The following TP63 variants were observed in gnomAD, a reference collection of about 807,000 sequenced individuals.
TP63 encodes tumor protein p63.
In TP63, 17 loss-of-function variants were observed where a neutral mutation model predicts 82.8. The observed-to-expected ratio is 0.21, with a 90% CI of 0.14 to 0.31. The LOEUF is 0.31. TP63 is among the 10% of genes least tolerant of loss of function. TP63 has a pLI of 1.00. For synonymous variants in TP63, 330 were observed against 321.7 expected (o/e 1.03, Z -0.28); for missense variants, 648 against 895.3 (o/e 0.72, Z 3.52).
intron 4 of TP63, among the ~76,000 whole-genome samples, chr3:189,820,408 T>A (rs73199730): frequency 6.6e-6 from 1 of 152,178 alleles, no homozygotes; most frequent in Non-Finnish European, 1.5e-5. Flanking sequence ...ATGTTTCTCC[T>A]TGCACAAGCA....
chr3:189,833,453 G>A (rs1212588462), intron 4 of TP63, among the ~76,000 whole-genome samples: 3 of 152,158 alleles, frequency 2.0e-5, no homozygotes, highest in Non-Finnish European at 2.9e-5. Context: ...AATGCAAAAC[G>A]CTTTGCAAAC....
chr3:189,734,009 A>T (rs1250167861), intron 1 of TP63, among the ~76,000 whole-genome samples: 2 of 151,736 alleles, frequency 1.3e-5, no homozygotes, highest in African/African-American at 4.8e-5. Context: ...CCTCATAGAG[A>T]CATAGTTTTC....
intron 10 of TP63, among the ~76,000 whole-genome samples, chr3:189,879,125 C>T (rs1719620031): frequency 6.6e-6 from 1 of 152,174 alleles, no homozygotes; most frequent in Admixed American, 6.5e-5. Context: ...TACATTGCTT[C>T]CCCATCCATT....
At chr3:189,804,561 G>C (rs9968085) in intron 3 of TP63, among the ~76,000 whole-genome samples, 3,300 of 152,222 alleles carry the variant, frequency 0.022, 43 homozygotes, top group Middle Eastern at 0.065. Context: ...CCAGCCCTTG[G>C]CTTCCAATTG....
chr3:189,649,559 A>G (rs1356747582), intron 1 of TP63, among the ~76,000 whole-genome samples: 2 of 146,940 alleles, frequency 1.4e-5, no homozygotes, highest in South Asian at 2.2e-4. Flanking sequence ...AATAATATTT[A>G]CAGCAGAGCC....
At chr3:189,879,999 C>A in intron 10 of TP63, 1 of 1,580,422 alleles carries the variant, frequency 6.3e-7, no homozygotes, top group Non-Finnish European at 8.6e-7. Context: ...TTTCTGAATT[C>A]AATTGATTTG....
chr3:189,597,325 T>C, the TP63 span, among the ~76,000 whole-genome samples: 2 of 152,140 alleles, frequency 1.3e-5, no homozygotes, highest in African/African-American at 4.8e-5. Context: ...CTCCAAAATA[T>C]GGGTAAAGCT....
intron 1 of TP63, among the ~76,000 whole-genome samples, chr3:189,633,996 T>G (rs573252484): frequency 1.3e-5 from 2 of 152,294 alleles, no homozygotes; most frequent in South Asian, 4.1e-4. Context: ...CAACCTTTAT[T>G]ACTTAGTGAA....
chr3:189,612,452 G>A, the TP63 span, among the ~76,000 whole-genome samples: 47 of 152,282 alleles, frequency 3.1e-4, 1 homozygote, highest in African/African-American at 1.1e-3. Flanking sequence ...TGATTCTGAG[G>A]CCTTCCCAGC....
intron 3 of TP63, among the ~76,000 whole-genome samples, chr3:189,760,304 A>G (rs1004681614): frequency 3.3e-5 from 5 of 152,200 alleles, no homozygotes; most frequent in African/African-American, 1.2e-4. Flanking sequence ...CCTTCTGCCT[A>G]TGAGCCTGTA....
chr3:189,772,033 C>G (rs1413528375), intron 3 of TP63, among the ~76,000 whole-genome samples: 1 of 152,122 alleles, frequency 6.6e-6, no homozygotes, highest in Non-Finnish European at 1.5e-5. Flanking sequence ...CCTTGATGTA[C>G]TAAGAGCAGC....
chr3:189,856,037 C>A (rs958398953), intron 4 of TP63, among the ~76,000 whole-genome samples: 2 of 151,482 alleles, frequency 1.3e-5, no homozygotes, highest in Non-Finnish European at 2.9e-5. Context: ...CTGGCATAAT[C>A]AAAAAAGTTC....
At chr3:189,797,629 G>C (rs1725849034) in intron 3 of TP63, among the ~76,000 whole-genome samples, 1 of 152,036 alleles carries the variant, frequency 6.6e-6, no homozygotes, top group South Asian at 2.1e-4. Flanking sequence ...CTTTTAAATA[G>C]ACCGTGTGAG....
intron 1 of TP63, among the ~76,000 whole-genome samples, chr3:189,706,070 A>G (rs1718175195): frequency 6.6e-6 from 1 of 152,190 alleles, no homozygotes; most frequent in Admixed American, 6.5e-5. Context: ...TGCATTTTAA[A>G]TATGGAGAAA....
At chr3:189,786,872 T>G (rs1724645789) in intron 3 of TP63, among the ~76,000 whole-genome samples, 2 of 152,066 alleles carry the variant, frequency 1.3e-5, no homozygotes. Context: ...GTTAGAAAAT[T>G]AATGCATGTT....
chr3:189,617,031 T>C, the TP63 span, among the ~76,000 whole-genome samples: 1 of 152,200 alleles, frequency 6.6e-6, no homozygotes, highest in Non-Finnish European at 1.5e-5. Context: ...CTTTGTGGTA[T>C]GGGACTGCAA....
intron 1 of TP63, among the ~76,000 whole-genome samples, chr3:189,676,811 A>G (rs7629326): frequency 0.44 from 66,996 of 151,868 alleles, 16,081 homozygotes; most frequent in East Asian, 0.59. Flanking sequence ...ATGAGAATCT[A>G]ACTAATTCCT....
At chr3:189,719,571 A>G (rs1719220463) in intron 1 of TP63, among the ~76,000 whole-genome samples, 1 of 152,208 alleles carries the variant, frequency 6.6e-6, no homozygotes, top group African/African-American at 2.4e-5. Flanking sequence ...TAAAAAAATC[A>G]GATTGAATAT....
In TP63 at chr3:189,733,513, C is replaced by T. The variant is rs150441859; in HGVS notation, c.63-4227C>T. 4.5e-3 allele frequency among the ~76,000 whole-genome samples: 682 copies of T among 152,332 alleles called. 2 individuals are homozygous for T. The highest frequency in any genetic ancestry group is 0.015 in the African/African-American group (606 of 41,580). On this transcript the variant is annotated intron_variant, in intron 1 of 13. Transcript: ENST00000264731. ...CTCACCTGGCTTTCGAGCTATCAGG[C>T]ATCCCGTTTGGATCTTTGGATGTTG...
Sources: allele counts gnomAD v4.1 joint callset (sites outside exome capture counted in the v4.1 genomes callset), GRCh38; gene constraint gnomAD v4.1.1; transcripts MANE v1.5; gene names NCBI Gene and HGNC (gene_info 2026-07-23, HGNC 2026-07-21).